The following ATP9B variants were observed in gnomAD, a reference collection of about 807,000 sequenced individuals.
ATP9B encodes probable phospholipid-transporting ATPase IIB.
A neutral mutation model predicts 146.1 loss-of-function variants in ATP9B; 110 were observed. The ratio of observed to expected loss-of-function variants is 0.75; its 90% CI spans 0.65 to 0.88. The LOEUF is 0.88. Among genes scored for constraint, ATP9B ranks in the 40% least tolerant of loss-of-function variants. The probability of loss-of-function intolerance (pLI) is 0.00; values close to 1 mark genes in which losing one functional copy is unlikely to be tolerated. For missense variants in ATP9B, 1,499 were observed against 1,496.4 expected (o/e 1.00, Z -0.03); for synonymous variants, 604 against 569.7 (o/e 1.06, Z -0.86).
intron 11 of ATP9B, among the ~76,000 whole-genome samples, chr18:79,250,685 T>C (rs1310669374): frequency 1.6e-4 from 25 of 152,234 alleles, no homozygotes; most frequent in Admixed American, 1.6e-3. Flanking sequence ...GCTTTTTAAA[T>C]AGAGCTGATA....
At chr18:79,108,602 G>A (rs551215318) in intron 2 of ATP9B, among the ~76,000 whole-genome samples, 6 of 152,276 alleles carry the variant, frequency 3.9e-5, no homozygotes, top group East Asian at 1.9e-4. Flanking sequence ...GAATAAGGGT[G>A]GGGGGAGCTG....
At chr18:79,149,665 C>A (rs2094650508) in intron 6 of ATP9B, among the ~76,000 whole-genome samples, 2 of 147,884 alleles carry the variant, frequency 1.4e-5, no homozygotes, top group Non-Finnish European at 3.0e-5. Flanking sequence ...ATATATTCAA[C>A]AAAGATTTCT....
chr18:79,201,762 G>T (rs2095490610), intron 9 of ATP9B, among the ~76,000 whole-genome samples: 1 of 151,994 alleles, frequency 6.6e-6, no homozygotes, highest in South Asian at 2.1e-4. Flanking sequence ...TAGAGACGGG[G>T]TTTCACCATA....
rs139503457 is a variant in ATP9B at position 79,299,418 on chromosome 18, T to C, written c.1412-4186T>C. On this transcript the variant is annotated intron_variant, in intron 13 of 29. Coordinates refer to ENST00000426216, the MANE Select transcript of ATP9B (RefSeq NM_198531.5). ...CCCTCTTCCTGGAGCGCTTCTCTTG[T>C]GGAAACCACTAGTAAATTCATATGC... Among the ~76,000 whole-genome samples the C allele has an allele frequency of 7.7e-3, 1,177 of 152,316 alleles. 20 individuals carry two copies. Among genetic ancestry groups the C allele is most frequent in the African/African-American group, 0.027 (1,123 of 41,564 alleles).
chr18:79,148,626 A>C (rs547421670), intron 6 of ATP9B, among the ~76,000 whole-genome samples: 5 of 152,322 alleles, frequency 3.3e-5, no homozygotes, highest in African/African-American at 1.2e-4. Flanking sequence ...AAAATACTTA[A>C]TGGTGTAAGA....
chr18:79,334,629 G>A lies in ATP9B; in HGVS notation c.2029-1999G>A, dbSNP rs576251006. Among the ~76,000 whole-genome samples, 8 of 152,042 alleles carry A rather than the reference G, an allele frequency of 5.3e-5. No individual in the cohort carries two copies. The East Asian group carries it at 1.2e-3, about 22-fold the overall frequency. The stretch of plus-strand genomic sequence containing the variant: ...GCCCCGACACCCCCTGGGGCTGTCC[G>A]GGAGCCCAGCACCCTCCACCCCTGC... On this transcript the variant is annotated intron_variant, in intron 17 of 29. Transcript: ENST00000426216.
In ATP9B at chr18:79,253,535, C is replaced by G; in HGVS notation, c.1262C>G (p.Pro421Arg). 6.3e-7 allele frequency: 1 copy of G among 1,580,538 alleles called. No homozygotes were observed. Among genetic ancestry groups the G allele is most frequent in the Non-Finnish European group, 8.5e-7 (1 of 1,169,838 alleles). Residue 421 changes from proline to arginine, a missense_variant, in exon 12 of 30, where the codon CCC (proline) becomes CGC (arginine). By Grantham distance (103) the Pro-to-Arg change is moderately radical. Coordinates refer to ENST00000426216, the MANE Select transcript of ATP9B (RefSeq NM_198531.5). ...CTTCTCCTCTTTTCTTACATCATTC[C>G]CATAAGGTAAGTTTAAAAATGAAAA... is the stretch of plus-strand genomic sequence containing the variant. ...RFLLLFSYII[P>R]ISLRVNLDMG...
intron 26 of ATP9B, chr18:79,360,728 A>G (rs1221265511): frequency 6.6e-6 from 1 of 152,252 alleles, no homozygotes; most frequent in Non-Finnish European, 1.5e-5. Context: ...TATAATCAAG[A>G]CAAATAAAGC....
At chr18:79,125,675 C>T (rs1308235420) in intron 4 of ATP9B, among the ~76,000 whole-genome samples, 1 of 152,028 alleles carries the variant, frequency 6.6e-6, no homozygotes, top group Non-Finnish European at 1.5e-5. Context: ...ATGGGCTTCA[C>T]AATAAATTAT....
intron 1 of ATP9B, among the ~76,000 whole-genome samples, chr18:79,092,823 G>A (rs1474142997): frequency 6.6e-6 from 1 of 151,760 alleles, no homozygotes; most frequent in Non-Finnish European, 1.5e-5. Flanking sequence ...GATACCTCCT[G>A]AAGGACCTGT....
intron 5 of ATP9B, among the ~76,000 whole-genome samples, chr18:79,143,059 G>A (rs1328218156): frequency 6.6e-6 from 1 of 152,168 alleles, no homozygotes; most frequent in Non-Finnish European, 1.5e-5. Context: ...GGAAGTGAGG[G>A]AAAGAGGTTG....
At chr18:79,169,946 A>C (rs1475052409) in intron 7 of ATP9B, among the ~76,000 whole-genome samples, 3 of 152,226 alleles carry the variant, frequency 2.0e-5, no homozygotes, top group Admixed American at 6.5e-5. Context: ...GACTTCCAGC[A>C]AAGTTACAAA....
At chr18:79,094,936 A>G (rs141273685) in intron 1 of ATP9B, among the ~76,000 whole-genome samples, 13 of 152,294 alleles carry the variant, frequency 8.5e-5, no homozygotes, top group Admixed American at 2.0e-4. Context: ...GCGTACCTTC[A>G]TATCACCCAT....
chr18:79,334,401 T>C (rs111523056), intron 17 of ATP9B, among the ~76,000 whole-genome samples: 1 of 151,664 alleles, frequency 6.6e-6, no homozygotes, highest in Non-Finnish European at 1.5e-5. Context: ...CAAAAATTGA[T>C]AGTTATACAG....
intron 1 of ATP9B, among the ~76,000 whole-genome samples, chr18:79,076,052 A>G (rs1027449748): frequency 3.3e-5 from 5 of 152,110 alleles, no homozygotes; most frequent in African/African-American, 1.2e-4. Flanking sequence ...ACCTCTTTAA[A>G]TCCCTTTATT....
intron 13 of ATP9B, among the ~76,000 whole-genome samples, chr18:79,295,179 A>G (rs2096539184): frequency 6.6e-6 from 1 of 152,152 alleles, no homozygotes; most frequent in African/African-American, 2.4e-5. Context: ...TGTATTCCGC[A>G]TGTTGAAATG....
At chr18:79,238,348 C>T (rs1280000763) in intron 11 of ATP9B, among the ~76,000 whole-genome samples, 1 of 151,962 alleles carries the variant, frequency 6.6e-6, no homozygotes, top group Non-Finnish European at 1.5e-5. Context: ...AGGTCAGTTC[C>T]GGGGCTTACG....
chr18:79,265,966 T>C (rs1391183389), intron 12 of ATP9B, among the ~76,000 whole-genome samples: 1 of 152,240 alleles, frequency 6.6e-6, no homozygotes, highest in Non-Finnish European at 1.5e-5. Context: ...GGCCAGCCAG[T>C]TATCTCAGCA....
At chr18:79,131,767 T>G (rs932583098) in intron 5 of ATP9B, among the ~76,000 whole-genome samples, 3 of 152,216 alleles carry the variant, frequency 2.0e-5, no homozygotes, top group African/African-American at 7.2e-5. Flanking sequence ...ATGATGGAAT[T>G]TTATTCAGGC....
Sources: allele counts gnomAD v4.1 joint callset (sites outside exome capture counted in the v4.1 genomes callset), GRCh38; gene constraint gnomAD v4.1.1; transcripts MANE v1.5; gene names NCBI Gene and HGNC (gene_info 2026-07-23, HGNC 2026-07-21).